Variants in NKAIN2 observed in about 807,000 individuals in gnomAD.
NKAIN2 encodes the protein sodium/potassium transporting ATPase interacting 2, also known as sodium/potassium-transporting ATPase subunit beta-1-interacting protein 2.
NKAIN2 carries 14 observed loss-of-function variants against 32.6 expected under a neutral mutation model. That is an observed-to-expected ratio of 0.43 (90% CI 0.28 to 0.67). The LOEUF is 0.67. Among genes scored for constraint, NKAIN2 ranks in the 30% least tolerant of loss-of-function variants. NKAIN2 has a pLI of 0.17. For synonymous variants in NKAIN2, 80 were observed against 87.2 expected, an observed-to-expected ratio of 0.92 and a Z score of 0.46; for missense variants, 198 against 258.3, an observed-to-expected ratio of 0.77 and a Z score of 1.60.
chr6:124,641,284 G>C (rs2114355569), intron 3 of NKAIN2, among the ~76,000 whole-genome samples: 2 of 152,158 alleles, frequency 1.3e-5, no homozygotes, highest in Middle Eastern at 3.4e-3. Flanking sequence ...GCAATACTCA[G>C]AATGCAAAAA....
At chr6:124,379,553 GA>G (rs2114366468) in intron 3 of NKAIN2, among the ~76,000 whole-genome samples, 1 of 152,196 alleles carries the variant, frequency 6.6e-6, no homozygotes, top group East Asian at 1.9e-4. Context: ...TATGCAGTAA[GA>G]ATAATGGCAC....
intron 3 of NKAIN2, among the ~76,000 whole-genome samples, chr6:124,459,243 G>A (rs1367066519): frequency 6.6e-6 from 1 of 151,760 alleles, no homozygotes; most frequent in Non-Finnish European, 1.5e-5. Flanking sequence ...TCCTATGTTG[G>A]CAATTTCAAT....
chr6:124,353,808 C>T lies in NKAIN2; in HGVS notation c.193-1459C>T, dbSNP rs74674895. ...ATAACTTTCCATCTACATGGAACAG[C>T]AAATAATATATGTGTCTGGAATCAA... is the stretch of plus-strand genomic sequence containing the variant. On this transcript the variant is annotated intron_variant, in intron 2 of 6. Transcript: ENST00000368417. Among the ~76,000 whole-genome samples, 492 of 151,846 alleles carry T rather than the reference C, an allele frequency of 3.2e-3. 1 individual carries two copies. The highest frequency in any genetic ancestry group is 0.011 in the African/African-American group (473 of 41,424).
chr6:124,582,387 T>C (rs553909266), intron 3 of NKAIN2, among the ~76,000 whole-genome samples: 1 of 152,228 alleles, frequency 6.6e-6, no homozygotes, highest in Non-Finnish European at 1.5e-5. Flanking sequence ...TCCTAGACAC[T>C]TGCAACCTAC....
At chr6:124,300,503 G>A (rs1796249671) in intron 2 of NKAIN2, among the ~76,000 whole-genome samples, 1 of 152,156 alleles carries the variant, frequency 6.6e-6, no homozygotes, top group Non-Finnish European at 1.5e-5. Context: ...GGATGCTGCT[G>A]TAGAGATACC....
intron 1 of NKAIN2, among the ~76,000 whole-genome samples, chr6:123,913,213 G>A (rs1294691158): frequency 6.6e-6 from 1 of 152,058 alleles, no homozygotes; most frequent in Non-Finnish European, 1.5e-5. Flanking sequence ...ATTGGGAAAG[G>A]GATACATTTT....
At chr6:124,217,059 A>C (rs890772885) in intron 1 of NKAIN2, among the ~76,000 whole-genome samples, 20 of 152,202 alleles carry the variant, frequency 1.3e-4, no homozygotes, top group Admixed American at 1.3e-3. Flanking sequence ...AGTTTGCCAC[A>C]TAGCCATACT....
intron 1 of NKAIN2, among the ~76,000 whole-genome samples, chr6:124,064,465 A>G (rs1270686247): frequency 6.6e-6 from 1 of 151,478 alleles, no homozygotes; most frequent in East Asian, 1.9e-4. Context: ...CTTTACTTAT[A>G]TTACTTTCAT....
At chr6:124,728,841 A>C (rs1776478870) in intron 4 of NKAIN2, among the ~76,000 whole-genome samples, 1 of 151,918 alleles carries the variant, frequency 6.6e-6, no homozygotes, top group Admixed American at 6.6e-5. Context: ...AGAGAGAAGA[A>C]TCTAATAGAC....
chr6:124,037,445 T>G (rs7766028), intron 1 of NKAIN2, among the ~76,000 whole-genome samples: 18,973 of 152,074 alleles, frequency 0.12, 3,611 homozygotes, highest in African/African-American at 0.41. Context: ...ATATTTCCCA[T>G]ATGTCATTTT....
rs117225822 is a variant in NKAIN2 at position 123,813,780 on chromosome 6, C to T, written c.54+9526C>T. ...TGAGCCAAGATCATGCCACTCCAGC[C>T]TGGGCAACAGAGCGAAATCCCATCT... is the stretch of plus-strand genomic sequence containing the variant. On this transcript the variant is annotated intron_variant, in intron 1 of 6. Coordinates refer to ENST00000368417, the MANE Select transcript of NKAIN2 (RefSeq NM_001040214.3). 6.8e-3 allele frequency among the ~76,000 whole-genome samples: 1,040 copies of T among 152,006 alleles called. 5 individuals carry two copies. The highest frequency in any genetic ancestry group is 0.014 in the Middle Eastern group (4 of 290).
chr6:124,473,586 C>T (rs944526906), intron 3 of NKAIN2, among the ~76,000 whole-genome samples: 1 of 152,060 alleles, frequency 6.6e-6, no homozygotes, highest in African/African-American at 2.4e-5. Flanking sequence ...TGTTTCCTTA[C>T]ATAGCTGTTT....
intron 1 of NKAIN2, among the ~76,000 whole-genome samples, chr6:124,085,657 A>G (rs1047495184): frequency 4.6e-5 from 7 of 151,944 alleles, no homozygotes; most frequent in Non-Finnish European, 1.0e-4. Context: ...AATATGTACC[A>G]AGGGACAATT....
At chr6:124,104,156 T>G (rs140597798) in intron 1 of NKAIN2, among the ~76,000 whole-genome samples, 49 of 152,270 alleles carry the variant, frequency 3.2e-4, no homozygotes, top group African/African-American at 1.1e-3. Context: ...GTTTACCCCT[T>G]CGCTCCCCTA....
At chr6:124,569,673 T>C (rs574166681) in intron 3 of NKAIN2, among the ~76,000 whole-genome samples, 1 of 152,312 alleles carries the variant, frequency 6.6e-6, no homozygotes, top group South Asian at 2.1e-4. Context: ...CCCTCTGCCA[T>C]GATTCTGAGA....
intron 3 of NKAIN2, among the ~76,000 whole-genome samples, chr6:124,644,994 G>A (rs969320112): frequency 6.6e-6 from 1 of 152,146 alleles, no homozygotes; most frequent in African/African-American, 2.4e-5. Context: ...ATAGATGAAA[G>A]TATAAAATAA....
chr6:123,936,530 A>T (rs998799752), intron 1 of NKAIN2, among the ~76,000 whole-genome samples: 1 of 152,164 alleles, frequency 6.6e-6, no homozygotes, highest in Admixed American at 6.6e-5. Context: ...GCCGACAGGC[A>T]TAAAACAAAA....
At chr6:124,739,087 T>C (rs1777081859) in intron 4 of NKAIN2, among the ~76,000 whole-genome samples, 1 of 120,694 alleles carries the variant, frequency 8.3e-6, no homozygotes, top group South Asian at 2.7e-4. Flanking sequence ...ACAAAATAGT[T>C]AAGCCAACTG....
intron 5 of NKAIN2, among the ~76,000 whole-genome samples, chr6:124,807,029 C>T (rs1780601306): frequency 6.6e-6 from 1 of 152,124 alleles, no homozygotes; most frequent in Admixed American, 6.5e-5. Context: ...CACTCCCACA[C>T]ATTAATAATG....
Sources: gnomAD v4.1 joint callset for allele counts (sites outside exome capture counted in the v4.1 genomes callset) on GRCh38, gnomAD v4.1.1 for gene constraint, MANE v1.5 for transcripts, NCBI Gene and HGNC (gene_info 2026-07-23, HGNC 2026-07-21) for gene names.